Variants in NDST4 observed in about 807,000 individuals in gnomAD.
The protein encoded by NDST4 is N-deacetylase and N-sulfotransferase 4, also known as N-heparan sulfate sulfotransferase 4.
NDST4 carries 63 observed loss-of-function variants against 100.8 expected under a neutral mutation model. That is an observed-to-expected ratio of 0.62 (90% CI 0.51 to 0.77). The LOEUF (loss-of-function observed/expected upper bound fraction) is 0.77. NDST4 is among the 30% of genes least tolerant of loss of function. The pLI, the probability that NDST4 is intolerant of heterozygous loss-of-function variation, is 0.00. For missense variants in NDST4, 943 were observed against 1,018.4 expected (o/e 0.93, Z 1.01); for synonymous variants, 377 against 361.8 (o/e 1.04, Z -0.48).
intron 2 of NDST4, among the ~76,000 whole-genome samples, chr4:115,054,561 A>G (rs537809071): frequency 6.7e-4 from 102 of 152,282 alleles, no homozygotes; most frequent in African/African-American, 2.4e-3. Context: ...TTTTATATAG[A>G]TTTTAACATA....
chr4:114,881,582 T>C lies in NDST4; in HGVS notation c.1537-10632A>G, dbSNP rs192006261. Among the ~76,000 whole-genome samples the C allele has an allele frequency of 1.9e-4, 29 of 152,152 alleles. No individual in the cohort carries two copies. In the East Asian group the frequency reaches 5.2e-3, roughly 27 times the overall value. On this transcript the variant is annotated intron_variant, in intron 6 of 13. Coordinates refer to ENST00000264363, the MANE Select transcript of NDST4 (RefSeq NM_022569.3). ...CTCTGAGGGTCCAGGTGAGCCCATA[T>C]AAATTTATACAGCCTCTAATCTGCA...
chr4:114,967,862 A>G (rs1339504373), intron 4 of NDST4, among the ~76,000 whole-genome samples: 1 of 152,132 alleles, frequency 6.6e-6, no homozygotes, highest in Non-Finnish European at 1.5e-5. Flanking sequence ...ATAATTGGTT[A>G]ATTAACACTA....
intron 1 of NDST4, among the ~76,000 whole-genome samples, chr4:115,087,279 C>T (rs1275202561): frequency 6.6e-6 from 1 of 151,964 alleles, no homozygotes; most frequent in East Asian, 1.9e-4. Context: ...TCAGTTCAAT[C>T]ATGGATTTGC....
At chr4:115,102,622 G>T (rs895616427) in intron 1 of NDST4, among the ~76,000 whole-genome samples, 2 of 149,636 alleles carry the variant, frequency 1.3e-5, no homozygotes, top group Non-Finnish European at 3.0e-5. Context: ...AATGGAATTT[G>T]CCTGTATCAG....
At position 115,022,307 on chromosome 4, in the gene NDST4, G is replaced by A. The variant is rs114185485; in HGVS notation, c.979-45033C>T. On this transcript the variant is annotated intron_variant, in intron 2 of 13. Transcript: ENST00000264363. ...CGTTCCACATATATATATGTTCCAC[G>A]TACATATGTGTTCCACATACATATG... Among the ~76,000 whole-genome samples the A allele has an allele frequency of 2.0e-3, 286 of 146,604 alleles. 2 individuals carry two copies. Among genetic ancestry groups the A allele is most frequent in the East Asian group, 0.017 (86 of 5,010 alleles).
intron 1 of NDST4, among the ~76,000 whole-genome samples, chr4:115,081,100 A>T (rs959292992): frequency 1.9e-4 from 17 of 90,698 alleles, no homozygotes; most frequent in East Asian, 6.5e-4. Flanking sequence ...AAAATAAATT[A>T]AAAAAAAAAC....
At chr4:114,852,702 G>A (rs372429466) in intron 8 of NDST4, 23 bp downstream of exon 8, 60 of 1,298,996 alleles carry the variant, frequency 4.6e-5, no homozygotes, top group Non-Finnish European at 6.1e-5. Flanking sequence ...AAGGATATAA[G>A]TAGCACAATT....
chr4:115,048,413 T>C (rs1218323825), intron 2 of NDST4, among the ~76,000 whole-genome samples: 1 of 152,178 alleles, frequency 6.6e-6, no homozygotes, highest in African/African-American at 2.4e-5. Flanking sequence ...AAAAAATCCT[T>C]ATTCAGCCTC....
chr4:114,845,736 A>C (rs2126185987), intron 10 of NDST4, 87 bp downstream of exon 10: 1 of 1,195,804 alleles, frequency 8.4e-7, no homozygotes, highest in East Asian at 2.5e-5. Flanking sequence ...GACTTTTCAT[A>C]TGTTTAGGTT....
intron 10 of NDST4, among the ~76,000 whole-genome samples, chr4:114,843,026 G>T (rs533734017): frequency 7.9e-4 from 120 of 152,100 alleles, no homozygotes; most frequent in Non-Finnish European, 1.4e-3. Flanking sequence ...ATTATCATAT[G>T]ATGTAGTACT....
chr4:114,897,281 T>C (rs1165684362), intron 6 of NDST4, among the ~76,000 whole-genome samples: 1 of 152,198 alleles, frequency 6.6e-6, no homozygotes, highest in Non-Finnish European at 1.5e-5. Context: ...ATCTTTTTGC[T>C]GTCTCTATAG....
At chr4:114,846,637 T>C (rs1001426689) in intron 9 of NDST4, among the ~76,000 whole-genome samples, 1 of 152,160 alleles carries the variant, frequency 6.6e-6, no homozygotes, top group Non-Finnish European at 1.5e-5. Context: ...AACGTTCCTC[T>C]GCGTGTGGAT....
rs373076005 is a variant in NDST4, at chr4:115,044,129, A to ACT, written c.978+31928_978+31929dup. The stretch of plus-strand genomic sequence containing the variant: ...GCATTTATTCAAATCTTGGGCAGAG[A>ACT]CTGAATTGAAGCTTTAATTTAAGAA... On this transcript the variant is annotated intron_variant, in intron 2 of 13. Transcript: ENST00000264363. Among the ~76,000 whole-genome samples, 605 of 152,260 alleles carry ACT rather than the reference A, an allele frequency of 4.0e-3. 2 individuals are homozygous for ACT. The highest frequency in any genetic ancestry group is 0.014 in the African/African-American group (579 of 41,560).
At chr4:114,922,167 A>G (rs1428770643) in intron 6 of NDST4, among the ~76,000 whole-genome samples, 5 of 152,198 alleles carry the variant, frequency 3.3e-5, no homozygotes, top group Non-Finnish European at 2.9e-5. Flanking sequence ...GTCTCCTGAC[A>G]TATCAAAACC....
At chr4:114,882,094 A>G (rs1448349223) in intron 6 of NDST4, among the ~76,000 whole-genome samples, 1 of 151,904 alleles carries the variant, frequency 6.6e-6, no homozygotes, top group Non-Finnish European at 1.5e-5. Context: ...AAATTTTCTC[A>G]CACATGTTTA....
At chr4:114,978,307 A>G (rs1295972838) in intron 2 of NDST4, among the ~76,000 whole-genome samples, 2 of 151,940 alleles carry the variant, frequency 1.3e-5, no homozygotes, top group Admixed American at 1.3e-4. Context: ...GTGGCTAAGC[A>G]TTTGTTTCAA....
At chr4:114,994,504 A>G (rs1727118011) in intron 2 of NDST4, among the ~76,000 whole-genome samples, 1 of 152,004 alleles carries the variant, frequency 6.6e-6, no homozygotes, top group East Asian at 1.9e-4. Flanking sequence ...GATGAATGCT[A>G]GTAGCGTTTG....
At chr4:114,922,723 T>C (rs773548442) in intron 6 of NDST4, among the ~76,000 whole-genome samples, 1 of 152,170 alleles carries the variant, frequency 6.6e-6, no homozygotes, top group Non-Finnish European at 1.5e-5. Context: ...TTCGGTACCA[T>C]GTGACCCAGA....
At chr4:115,034,787 G>C (rs910082787) in intron 2 of NDST4, among the ~76,000 whole-genome samples, 4 of 151,992 alleles carry the variant, frequency 2.6e-5, no homozygotes, top group Admixed American at 6.6e-5. Flanking sequence ...TACTGACCAT[G>C]GCAGTAATAA....
Sources: allele counts gnomAD v4.1 joint callset (sites outside exome capture counted in the v4.1 genomes callset), GRCh38; gene constraint gnomAD v4.1.1; transcripts MANE v1.5; gene names NCBI Gene and HGNC (gene_info 2026-07-23, HGNC 2026-07-21).